The following SGMS1 variants were observed in gnomAD, a reference collection of about 807,000 sequenced individuals.
SGMS1 encodes the protein phosphatidylcholine:ceramide cholinephosphotransferase 1.
SGMS1 carries 13 observed loss-of-function variants against 46.2 expected under a neutral mutation model. The ratio of observed to expected loss-of-function variants is 0.28; its 90% confidence interval spans 0.18 to 0.45. The LOEUF (loss-of-function observed/expected upper bound fraction) is 0.45. SGMS1 is among the 20% of genes least tolerant of loss of function. SGMS1 has a pLI of 1.00. For synonymous variants in SGMS1, 203 were observed against 187.8 expected (o/e 1.08, Z -0.66); for missense variants, 324 against 519.9 (o/e 0.62, Z 3.66).
intron 6 of SGMS1, among the ~76,000 whole-genome samples, chr10:50,416,280 T>C (rs1268085149): frequency 6.6e-6 from 1 of 152,164 alleles, no homozygotes; most frequent in African/African-American, 2.4e-5. Flanking sequence ...ATAAACTAAA[T>C]TAACTAGCTG....
chr10:50,591,227 C>A (rs181880031), intron 1 of SGMS1, among the ~76,000 whole-genome samples: 58 of 152,248 alleles, frequency 3.8e-4, no homozygotes, highest in African/African-American at 1.3e-3. Context: ...GGCAGCTAAG[C>A]GTCAGAGATG....
intron 2 of SGMS1, among the ~76,000 whole-genome samples, chr10:50,535,988 T>G (rs1022181765): frequency 6.6e-6 from 1 of 152,190 alleles, no homozygotes; most frequent in Non-Finnish European, 1.5e-5. Flanking sequence ...TATCCCTTCT[T>G]GCTTCACATC....
At chr10:50,426,994 G>C (rs543686936) in intron 6 of SGMS1, among the ~76,000 whole-genome samples, 10 of 152,210 alleles carry the variant, frequency 6.6e-5, no homozygotes, top group Non-Finnish European at 1.3e-4. Context: ...AACTTGAAGG[G>C]AAACAAAAAT....
chr10:50,426,413 A>T (rs1293620828), intron 6 of SGMS1, among the ~76,000 whole-genome samples: 1 of 152,232 alleles, frequency 6.6e-6, no homozygotes, highest in Non-Finnish European at 1.5e-5. Flanking sequence ...TAATAGATAC[A>T]AGTGAATACA....
intron 1 of SGMS1, among the ~76,000 whole-genome samples, chr10:50,597,076 C>T (rs1838601508): frequency 6.6e-6 from 1 of 152,146 alleles, no homozygotes; most frequent in Admixed American, 6.5e-5. Flanking sequence ...AGTGCTTTGA[C>T]CTTGGCATAT....
At chr10:50,497,737 T>C (rs1164603917) in intron 3 of SGMS1, among the ~76,000 whole-genome samples, 1 of 151,836 alleles carries the variant, frequency 6.6e-6, no homozygotes, top group Admixed American at 6.6e-5. Flanking sequence ...GAGGTTGCAG[T>C]GAGCCAAGAT....
intron 6 of SGMS1, among the ~76,000 whole-genome samples, chr10:50,384,306 C>T (rs1848649826): frequency 6.6e-6 from 1 of 152,010 alleles, no homozygotes. Context: ...GTTTCTTTAT[C>T]CTAAAATGAA....
At chr10:50,571,572 T>C (rs1346150380) in intron 2 of SGMS1, among the ~76,000 whole-genome samples, 3 of 152,154 alleles carry the variant, frequency 2.0e-5, no homozygotes, top group Non-Finnish European at 4.4e-5. Flanking sequence ...CAGAATAATA[T>C]AGTAATATAT....
intron 2 of SGMS1, among the ~76,000 whole-genome samples, chr10:50,556,178 G>C (rs553027136): frequency 5.6e-4 from 86 of 152,252 alleles, no homozygotes; most frequent in African/African-American, 2.0e-3. Flanking sequence ...CTGTCTCCTA[G>C]CTGTTCCATA....
chr10:50,390,449 C>T (rs971695977), intron 6 of SGMS1, among the ~76,000 whole-genome samples: 1 of 152,022 alleles, frequency 6.6e-6, no homozygotes, highest in Non-Finnish European at 1.5e-5. Flanking sequence ...TACTCTATTC[C>T]CCAGAGGAAT....
intron 3 of SGMS1, among the ~76,000 whole-genome samples, chr10:50,519,266 A>G (rs1014070036): frequency 6.6e-6 from 1 of 152,210 alleles, no homozygotes; most frequent in African/African-American, 2.4e-5. Context: ...AACACTAGAG[A>G]CACTGTTTCG....
chr10:50,406,600 T>C (rs1849018758), intron 6 of SGMS1, among the ~76,000 whole-genome samples: 1 of 152,220 alleles, frequency 6.6e-6, no homozygotes, highest in Non-Finnish European at 1.5e-5. Context: ...ATCTCAGCCA[T>C]TGGAGTAGTA....
intron 3 of SGMS1, among the ~76,000 whole-genome samples, chr10:50,469,568 C>T (rs1837360509): frequency 6.6e-6 from 1 of 152,110 alleles, no homozygotes; most frequent in Non-Finnish European, 1.5e-5. Flanking sequence ...AAAAAAATTA[C>T]CCAAATTATA....
At chr10:50,442,163 T>C (rs1849554252) in intron 5 of SGMS1, among the ~76,000 whole-genome samples, 1 of 150,892 alleles carries the variant, frequency 6.6e-6, no homozygotes, top group African/African-American at 2.4e-5. Flanking sequence ...CATTCAATAA[T>C]ACTGACTTTT....
chr10:50,435,486 A>G (rs1459639085), intron 5 of SGMS1, among the ~76,000 whole-genome samples: 4 of 152,278 alleles, frequency 2.6e-5, no homozygotes, highest in African/African-American at 7.2e-5. Context: ...ACAATATAAA[A>G]CTTTTCTAAG....
chr10:50,309,854 G>C (rs1157983944), intron 9 of SGMS1, among the ~76,000 whole-genome samples: 1 of 152,070 alleles, frequency 6.6e-6, no homozygotes, highest in Non-Finnish European at 1.5e-5. Context: ...CCTGTTATCT[G>C]CTGACTCTCT....
rs553548029 is a variant in SGMS1 at position 50,322,673 on chromosome 10, A to G, written c.741+4532T>C. On this transcript the variant is annotated intron_variant, in intron 8 of 10. Transcript: ENST00000361781. ...AGGTGAAACCCCGTCTCTACTAAAA[A>G]TACAAAAAATTAGCCGGGCGCGGTG... 7.3e-5 allele frequency among the ~76,000 whole-genome samples: 11 copies of G among 151,260 alleles called. No homozygotes were observed. In the South Asian group the frequency reaches 2.3e-3, roughly 32 times the overall value.
chr10:50,590,883 C>G lies in SGMS1; in HGVS notation c.-683-636G>C, dbSNP rs1050925810. 2.6e-5 allele frequency among the ~76,000 whole-genome samples: 4 copies of G among 152,138 alleles called. No individual in the cohort carries two copies. In the East Asian group the frequency reaches 7.7e-4, roughly 29 times the overall value. ...AGCAATTTCAGGGCAGTGATGTAGC[C>G]CAAACATCCACTCTAACAAAAACTG... On this transcript the variant is annotated intron_variant, in intron 1 of 10. Coordinates refer to ENST00000361781, the MANE Select transcript of SGMS1 (RefSeq NM_147156.4).
At chr10:50,477,435 G>A (rs1837437499) in intron 3 of SGMS1, among the ~76,000 whole-genome samples, 1 of 152,194 alleles carries the variant, frequency 6.6e-6, no homozygotes, top group African/African-American at 2.4e-5. Context: ...AGGTGAAAGG[G>A]ACTTGCCTTG....
Sources: gnomAD v4.1 joint callset for allele counts (sites outside exome capture counted in the v4.1 genomes callset) on GRCh38, gnomAD v4.1.1 for gene constraint, MANE v1.5 for transcripts, NCBI Gene and HGNC (gene_info 2026-07-23, HGNC 2026-07-21) for gene names.